Variants in RNF216 observed in about 807,000 individuals in gnomAD.
The protein encoded by RNF216 is ring finger protein 216.
Under a neutral mutation model 110.8 loss-of-function variants are expected in RNF216, and 72 were observed. That is an observed-to-expected ratio of 0.65 (90% CI 0.54 to 0.79). RNF216 has a LOEUF of 0.79. Among genes scored for constraint, RNF216 ranks in the 30% least tolerant of loss-of-function variants. The pLI, the probability that RNF216 is intolerant of heterozygous loss-of-function variation, is 0.00. For missense variants in RNF216, 1,342 were observed against 1,141.2 expected, an observed-to-expected ratio of 1.18 and a Z score of -2.54; for synonymous variants, 495 against 407.5, an observed-to-expected ratio of 1.21 and a Z score of -2.59.
chr7:5,742,169 C>T (rs1267958370), intron 3 of RNF216, among the ~76,000 whole-genome samples: 1 of 152,198 alleles, frequency 6.6e-6, no homozygotes, highest in Non-Finnish European at 1.5e-5. Flanking sequence ...GCCTCAGCCT[C>T]CCAAGTAGCT....
chr7:5,633,493 T>C (rs1388548708), intron 15 of RNF216, among the ~76,000 whole-genome samples: 1 of 152,086 alleles, frequency 6.6e-6, no homozygotes, highest in Non-Finnish European at 1.5e-5. Context: ...GAGAATCACT[T>C]GAACCCAGTA....
At chr7:5,707,721 T>TGG (rs1792386984) in intron 13 of RNF216, among the ~76,000 whole-genome samples, 2 of 125,968 alleles carry the variant, frequency 1.6e-5, no homozygotes, top group African/African-American at 8.2e-5. Context: ...GTGTGTGGTT[T>TGG]TTTTTTTTTT....
chr7:5,744,729 T>A (rs749376001), intron 3 of RNF216, among the ~76,000 whole-genome samples: 15 of 152,150 alleles, frequency 9.9e-5, no homozygotes, highest in Non-Finnish European at 2.1e-4. Context: ...TCCCAGCACT[T>A]TGGGAGCCTG....
intron 13 of RNF216, among the ~76,000 whole-genome samples, chr7:5,698,384 T>TATACACAC (rs1554254095): frequency 1.4e-5 from 2 of 145,300 alleles, no homozygotes; most frequent in Non-Finnish European, 3.0e-5. Flanking sequence ...GATTCTTTTA[T>TATACACAC]ACACACACAC....
intron 7 of RNF216, among the ~76,000 whole-genome samples, chr7:5,726,719 C>A (rs895359924): frequency 6.6e-5 from 10 of 152,002 alleles, no homozygotes; most frequent in African/African-American, 2.2e-4. Context: ...ATTAGCTGGA[C>A]GTGGTAGCAA....
chr7:5,741,533 G>C lies in RNF216; in HGVS notation c.484C>G (p.His162Asp), dbSNP rs368649118. 6.2e-7 allele frequency: 1 copy of C among 1,614,054 alleles called. No homozygotes were observed. The highest frequency in any genetic ancestry group is 8.5e-7 in the Non-Finnish European group (1 of 1,180,050). Residue 162 changes from histidine to aspartate, a missense_variant, in exon 4 of 17, where the codon CAT (histidine) becomes GAT (aspartate). Transcript: ENST00000389902. ...TEREPKPGPS[H>D]NQAANDIVNP... is the part of the protein sequence containing the mutation. ...ACAATGTCATTTGCTGCTTGGTTAT[G>C]ACTCGGTCCAGGCTTGGGTTCTCTT...
intron 13 of RNF216, among the ~76,000 whole-genome samples, chr7:5,684,265 G>C (rs1306978737): frequency 6.6e-6 from 1 of 151,954 alleles, no homozygotes; most frequent in Non-Finnish European, 1.5e-5. Flanking sequence ...ACCACGCCCA[G>C]CTAATTTTTG....
rs374698335 is a variant in RNF216, at chr7:5,752,826, T to C, written c.201+20A>G. ...ACCAACTTGCAATAATGTCTCATTG[T>C]AAGTTTAAAGAAAACTCACTTCTGT... On this transcript the variant is annotated intron_variant, in intron 3 of 16. Transcript: ENST00000389902. The C allele has an allele frequency of 1.2e-5, 20 of 1,606,680 alleles. No individual in the cohort carries two copies. The East Asian group carries it at 3.8e-4, about 31-fold the overall frequency.
At chr7:5,700,994 C>T (rs1051459365) in intron 13 of RNF216, among the ~76,000 whole-genome samples, 1 of 152,140 alleles carries the variant, frequency 6.6e-6, no homozygotes, top group Admixed American at 6.5e-5. Flanking sequence ...TGAATGTCAT[C>T]CCTGAGATTC....
In RNF216 at chr7:5,622,796, G is replaced by A. The variant is rs1466802098; in HGVS notation, c.*64C>T. On this transcript the variant is annotated 3_prime_UTR_variant, in exon 17 of 17. Coordinates refer to ENST00000389902, the MANE Select transcript of RNF216 (RefSeq NM_207111.4). ...TGGTACAGACACCAGCCTTGGGGGA[G>A]GGTTCTCCATCCACACTCCTACCCC... 1.4e-6 allele frequency: 2 copies of A among 1,460,778 alleles called. No homozygotes were observed. The highest frequency in any genetic ancestry group is 2.8e-5 in the African/African-American group (2 of 72,084). The allele number at this position is 1,460,778 out of a possible 1,614,324, so 90.5% of individuals were successfully genotyped here. A position where few individuals can be genotyped will look rare whatever the true frequency, so the allele number is the denominator to read the frequency against.
At chr7:5,736,417 C>A (rs549865361) in intron 5 of RNF216, among the ~76,000 whole-genome samples, 1 of 152,342 alleles carries the variant, frequency 6.6e-6, no homozygotes, top group African/African-American at 2.4e-5. Flanking sequence ...CTCGTTCACT[C>A]AGTGCTCAGT....
chr7:5,715,609 C>CGT (rs3214426), intron 10 of RNF216, among the ~76,000 whole-genome samples: 2 of 152,062 alleles, frequency 1.3e-5, no homozygotes, highest in Admixed American at 1.3e-4. Flanking sequence ...GTGAATGGGT[C>CGT]TATCGAGGTC....
chr7:5,737,919 C>G (rs1413794512), intron 5 of RNF216, among the ~76,000 whole-genome samples: 1 of 151,896 alleles, frequency 6.6e-6, no homozygotes, highest in Non-Finnish European at 1.5e-5. Context: ...GAAACCCTGT[C>G]TCTACTAAAA....
chr7:5,719,893 A>G (rs1793307866), intron 9 of RNF216, among the ~76,000 whole-genome samples: 1 of 152,244 alleles, frequency 6.6e-6, no homozygotes, highest in African/African-American at 2.4e-5. Flanking sequence ...CAAGCTTCAT[A>G]TCCTGGGATG....
At chr7:5,698,384 TACACACAC>T (rs376096873) in intron 13 of RNF216, among the ~76,000 whole-genome samples, 7 of 145,300 alleles carry the variant, frequency 4.8e-5, no homozygotes, top group East Asian at 2.0e-4. Flanking sequence ...GATTCTTTTA[TACACACAC>T]ACACACACAC....
intron 1 of RNF216, among the ~76,000 whole-genome samples, chr7:5,777,789 A>T (rs756321785): frequency 6.6e-6 from 1 of 152,242 alleles, no homozygotes; most frequent in Non-Finnish European, 1.5e-5. Context: ...GAATCCTATT[A>T]TCTGTGTATT....
rs995061184 is a variant in RNF216, at chr7:5,753,101, CCTCAAGCAGCCCGTGCA to C, written c.68-139_68-123del. 1.1e-5 allele frequency: 10 copies of C among 898,862 alleles called. No homozygotes were observed. The African/African-American group carries it at 1.7e-4, about 15-fold the overall frequency. 55.7% of individuals were successfully genotyped at this position (898,862 alleles called of 1,614,324 possible). On this transcript the variant is annotated intron_variant, in intron 2 of 16. Transcript: ENST00000389902. ...TCATGGCTACTAGTGTAACGTACCT[CCTCAAGCAGCCCGTGCA>C]CTTAAGCATTAAGAGCCATGTTTCT...
At chr7:5,704,550 A>G (rs978385950) in intron 13 of RNF216, among the ~76,000 whole-genome samples, 1 of 152,262 alleles carries the variant, frequency 6.6e-6, no homozygotes, top group African/African-American at 2.4e-5. Context: ...ACTGAGCCCA[A>G]AAGAACTGTG....
At chr7:5,745,024 C>G (rs1277048427) in intron 3 of RNF216, among the ~76,000 whole-genome samples, 1 of 151,800 alleles carries the variant, frequency 6.6e-6, no homozygotes, top group Non-Finnish European at 1.5e-5. Context: ...AAGTCAGAAT[C>G]ATGCTTATAA....
Sources: gnomAD v4.1 joint callset for allele counts (sites outside exome capture counted in the v4.1 genomes callset) on GRCh38, gnomAD v4.1.1 for gene constraint, MANE v1.5 for transcripts, NCBI Gene and HGNC (gene_info 2026-07-23, HGNC 2026-07-21) for gene names.